The following COL21A1 variants were observed in gnomAD, a reference collection of about 807,000 sequenced individuals.
COL21A1 encodes the protein collagen type XXI alpha 1 chain.
A neutral mutation model predicts 137.9 loss-of-function variants in COL21A1; 149 were observed. That is an observed-to-expected ratio of 1.08 (90% confidence interval 0.95 to 1.24). The LOEUF (loss-of-function observed/expected upper bound fraction) is 1.24, where lower values mean the gene tolerates loss of function less well. Ranked by LOEUF, COL21A1 falls within the 50% of genes most tolerant of loss-of-function variation. The pLI is 0.00. For missense variants in COL21A1, 1,167 were observed against 1,158.4 expected (o/e 1.01, Z -0.11); for synonymous variants, 456 against 391.5 (o/e 1.16, Z -1.95).
chr6:56,099,867 C>G (rs1449102907), intron 17 of COL21A1, among the ~76,000 whole-genome samples: 1 of 152,120 alleles, frequency 6.6e-6, no homozygotes, highest in African/African-American at 2.4e-5. Flanking sequence ...TAGTCGAGGC[C>G]TTCTACTTCA....
chr6:56,059,945 A>C, intron 28 of COL21A1, 73 bp downstream of exon 28: 1 of 1,066,030 alleles, frequency 9.4e-7, no homozygotes, highest in Non-Finnish European at 1.4e-6. Flanking sequence ...TCGACTATTA[A>C]ATGGATATAG....
At chr6:56,266,341 C>A (rs548535594) in intron 1 of COL21A1, among the ~76,000 whole-genome samples, 1 of 152,150 alleles carries the variant, frequency 6.6e-6, no homozygotes, top group Non-Finnish European at 1.5e-5. Flanking sequence ...TAGGCTGGTA[C>A]CTGTGTTTAT....
At chr6:56,204,893 CCTGA>C (rs1330494526) in intron 1 of COL21A1, among the ~76,000 whole-genome samples, 4 of 152,100 alleles carry the variant, frequency 2.6e-5, no homozygotes, top group Admixed American at 2.6e-4. Flanking sequence ...AGCAGAGGGG[CCTGA>C]CTGTTAGAAG....
chr6:56,158,512 T>C (rs1039276739), intron 9 of COL21A1, among the ~76,000 whole-genome samples: 2 of 151,990 alleles, frequency 1.3e-5, no homozygotes, highest in African/African-American at 4.8e-5. Context: ...GCTCAAGTGA[T>C]CCTCCCTCCT....
intron 1 of COL21A1, among the ~76,000 whole-genome samples, chr6:56,224,672 A>G (rs565903912): frequency 4.3e-4 from 65 of 152,148 alleles, no homozygotes; most frequent in African/African-American, 1.5e-3. Flanking sequence ...CAAAACAAAA[A>G]CATCGACATT....
chr6:56,390,951 T>C (rs1439678327), intron 1 of COL21A1, among the ~76,000 whole-genome samples: 1 of 152,204 alleles, frequency 6.6e-6, no homozygotes, highest in Non-Finnish European at 1.5e-5. Context: ...AGACTTAATC[T>C]GCACTATGGA....
At chr6:56,193,034 G>T (rs1031416230) in intron 1 of COL21A1, among the ~76,000 whole-genome samples, 1 of 152,078 alleles carries the variant, frequency 6.6e-6, no homozygotes, top group East Asian at 1.9e-4. Flanking sequence ...GATGAAGCTG[G>T]GAATCACCAT....
intron 1 of COL21A1, among the ~76,000 whole-genome samples, chr6:56,268,596 A>T (rs1763448393): frequency 6.6e-6 from 1 of 152,228 alleles, no homozygotes; most frequent in Non-Finnish European, 1.5e-5. Context: ...TCCTGTACTG[A>T]GACTTGGCCC....
chr6:56,236,880 G>A (rs575071481), intron 1 of COL21A1, among the ~76,000 whole-genome samples: 41 of 152,036 alleles, frequency 2.7e-4, no homozygotes, highest in African/African-American at 7.2e-4. Context: ...TCCTTGCTGC[G>A]AAAGTGATGA....
intron 1 of COL21A1, among the ~76,000 whole-genome samples, chr6:56,291,057 C>T (rs79858525): frequency 6.6e-6 from 1 of 152,200 alleles, no homozygotes; most frequent in Non-Finnish European, 1.5e-5. Context: ...TCTTGGGCCC[C>T]ACCTCAGACC....
chr6:56,060,601 T>C (rs965256301), intron 27 of COL21A1, 140 bp downstream of exon 27: 1 of 564,324 alleles, frequency 1.8e-6, no homozygotes, highest in Admixed American at 3.8e-5. Context: ...AAAATACTCA[T>C]TGAAGAAAAG....
intron 16 of COL21A1, among the ~76,000 whole-genome samples, chr6:56,116,141 G>C (rs1297144225): frequency 6.6e-5 from 10 of 151,918 alleles, no homozygotes; most frequent in Non-Finnish European, 1.5e-4. Context: ...CAAACCTAGA[G>C]AAAGATATCA....
chr6:56,077,834 G>C, intron 17 of COL21A1: 1 of 411,852 alleles, frequency 2.4e-6, no homozygotes. Flanking sequence ...CTCAGTTCTT[G>C]CACCCCAACA....
At chr6:56,109,378 TA>T (rs1771221179) in intron 16 of COL21A1, among the ~76,000 whole-genome samples, 1 of 151,730 alleles carries the variant, frequency 6.6e-6, no homozygotes, top group Non-Finnish European at 1.5e-5. Context: ...GAATAATCAT[TA>T]AAACAGAGAA....
intron 1 of COL21A1, among the ~76,000 whole-genome samples, chr6:56,337,961 CTTTT>C (rs200998969): frequency 3.1e-4 from 28 of 90,906 alleles, no homozygotes; most frequent in South Asian, 8.6e-4. Flanking sequence ...CTTTTCTTTT[CTTTT>C]TTTTTTTTTT....
At chr6:56,191,652 A>G (rs1241875988) in intron 1 of COL21A1, among the ~76,000 whole-genome samples, 2 of 146,784 alleles carry the variant, frequency 1.4e-5, no homozygotes, top group Non-Finnish European at 3.0e-5. Context: ...CACTATTGCT[A>G]CAAAGAGAAT....
At chr6:56,347,984 A>C (rs923416588) in intron 1 of COL21A1, among the ~76,000 whole-genome samples, 2 of 152,170 alleles carry the variant, frequency 1.3e-5, no homozygotes, top group African/African-American at 2.4e-5. Flanking sequence ...TTGTGCATTC[A>C]TTTATGCACT....
chr6:56,377,788 C>T (rs562631327), intron 1 of COL21A1, among the ~76,000 whole-genome samples: 2 of 148,438 alleles, frequency 1.3e-5, no homozygotes, highest in South Asian at 4.2e-4. Flanking sequence ...CCAGGCTGCA[C>T]AGTTTGCAGC....
chr6:56,113,915 G>C (rs1368782132), intron 16 of COL21A1, among the ~76,000 whole-genome samples: 1 of 152,132 alleles, frequency 6.6e-6, no homozygotes, highest in African/African-American at 2.4e-5. Flanking sequence ...AAACGTCAGT[G>C]GTCATCTGGC....
Sources: gnomAD v4.1 joint callset for allele counts (sites outside exome capture counted in the v4.1 genomes callset) on GRCh38, gnomAD v4.1.1 for gene constraint, MANE v1.5 for transcripts, NCBI Gene and HGNC (gene_info 2026-07-23, HGNC 2026-07-21) for gene names.